Variants in GRIP1 observed in about 807,000 individuals in gnomAD.
GRIP1 encodes glutamate receptor-interacting protein 1.
In GRIP1, 45 loss-of-function variants were observed where a neutral mutation model predicts 129.9. That is an observed-to-expected ratio of 0.35 (90% CI 0.27 to 0.44). The LOEUF (loss-of-function observed/expected upper bound fraction) is 0.44, where lower values mean the gene tolerates loss of function less well. GRIP1 is among the 20% of genes least tolerant of loss of function. GRIP1 has a pLI of 1.00. For synonymous variants in GRIP1, 530 were observed against 520.8 expected, an observed-to-expected ratio of 1.02 and a Z score of -0.24; for missense variants, 1,196 against 1,396.8, an observed-to-expected ratio of 0.86 and a Z score of 2.29.
intron 9 of GRIP1, among the ~76,000 whole-genome samples, chr12:66,461,507 T>G (rs2059136129): frequency 6.6e-6 from 1 of 152,222 alleles, no homozygotes; most frequent in Non-Finnish European, 1.5e-5. Flanking sequence ...GAACGGCACC[T>G]TCCTACAGCT....
intron 2 of GRIP1, among the ~76,000 whole-genome samples, chr12:66,560,214 T>G (rs2062472092): frequency 6.6e-6 from 1 of 151,982 alleles, no homozygotes; most frequent in Admixed American, 6.6e-5. Flanking sequence ...ATTATGAAAG[T>G]ACAATAAGGA....
chr12:67,018,311 G>A (rs533316466), intron 1 of GRIP1, among the ~76,000 whole-genome samples: 7 of 152,212 alleles, frequency 4.6e-5, no homozygotes, highest in Admixed American at 1.3e-4. Context: ...ATGGAGGAGC[G>A]CCTCCAAGTG....
chr12:66,681,862 T>C (rs1365110828), upstream of GRIP1, among the ~76,000 whole-genome samples: 2 of 152,288 alleles, frequency 1.3e-5, no homozygotes, highest in Admixed American at 1.3e-4. Flanking sequence ...TCAGGGTTTC[T>C]TTAAAACATT....
At chr12:66,940,355 T>C (rs1437064907) in intron 1 of GRIP1, among the ~76,000 whole-genome samples, 2 of 152,152 alleles carry the variant, frequency 1.3e-5, no homozygotes, top group Non-Finnish European at 2.9e-5. Flanking sequence ...TTCTGGCATA[T>C]AGTAGGTGCG....
Position 66,739,013 on chromosome 12 carries a change from T to G in GRIP1, c.-420+65040A>C, listed in dbSNP as rs148830505. ...TGACTTGGAGAGCCTTATATATTTGTTCATAGATTAACATGATTAATAAGT... is the reference window on the plus strand; with the variant it reads ...TGACTTGGAGAGCCTTATATATTTGGTCATAGATTAACATGATTAATAAGT... On this transcript the variant is annotated intron_variant, in intron 1 of 4. Transcript: ENST00000538373. Among the ~76,000 whole-genome samples, 572 of 152,280 alleles carry G rather than the reference T, an allele frequency of 3.8e-3. 1 individual carries two copies. The highest frequency in any genetic ancestry group is 0.013 in the African/African-American group (550 of 41,550).
intron 16 of GRIP1, 57 bp from the exon 17 acceptor site, chr12:66,394,409 G>A (rs2056712128): frequency 2.9e-6 from 4 of 1,366,868 alleles, no homozygotes; most frequent in Non-Finnish European, 4.2e-6. Context: ...AAAAGAGTAA[G>A]ATGCATAGAT....
At chr12:66,449,221 C>A (rs1275723650) in intron 11 of GRIP1, among the ~76,000 whole-genome samples, 2 of 152,230 alleles carry the variant, frequency 1.3e-5, no homozygotes, top group African/African-American at 4.8e-5. Flanking sequence ...CCAGCTCTTT[C>A]AATCTCTGAA....
chr12:66,950,509 T>C (rs1291424493), intron 1 of GRIP1, among the ~76,000 whole-genome samples: 1 of 151,648 alleles, frequency 6.6e-6, no homozygotes, highest in Non-Finnish European at 1.5e-5. Context: ...TTTTCTAAAA[T>C]AAATTTTTCA....
intron 1 of GRIP1, among the ~76,000 whole-genome samples, chr12:66,935,351 G>A (rs900422183): frequency 5.3e-5 from 8 of 152,022 alleles, no homozygotes; most frequent in Admixed American, 1.3e-4. Flanking sequence ...CAGACCACAC[G>A]TAGGTTCCAC....
At chr12:66,604,921 A>C (rs17779523) in intron 1 of GRIP1, among the ~76,000 whole-genome samples, 51,065 of 151,802 alleles carry the variant, frequency 0.34, 8,875 homozygotes, top group Non-Finnish European at 0.37. Flanking sequence ...TCCTGGAGGG[A>C]TAAGAACCAG....
intron 1 of GRIP1, among the ~76,000 whole-genome samples, chr12:66,702,423 A>G (rs1324843123): frequency 6.6e-6 from 1 of 152,140 alleles, no homozygotes; most frequent in Non-Finnish European, 1.5e-5. Context: ...GTCAGTTTAA[A>G]TACCTAGAGT....
chr12:66,880,545 A>G (rs1487473233), intron 1 of GRIP1, among the ~76,000 whole-genome samples: 3 of 152,156 alleles, frequency 2.0e-5, no homozygotes, highest in Admixed American at 6.6e-5. Flanking sequence ...GGATGAAGAC[A>G]GAGTGATGGA....
At chr12:66,949,981 T>G (rs2041731369) in intron 1 of GRIP1, among the ~76,000 whole-genome samples, 1 of 151,560 alleles carries the variant, frequency 6.6e-6, no homozygotes, top group African/African-American at 2.4e-5. Flanking sequence ...TTTCACTGTG[T>G]TAGCCAAGAT....
intron 5 of GRIP1, among the ~76,000 whole-genome samples, chr12:66,521,753 C>G (rs1162648753): frequency 1.3e-5 from 2 of 152,286 alleles, no homozygotes; most frequent in Non-Finnish European, 2.9e-5. Context: ...CTTTCCTAGT[C>G]AAAGAAAGGG....
intron 1 of GRIP1, among the ~76,000 whole-genome samples, chr12:66,977,977 T>C (rs1471888818): frequency 1.3e-5 from 2 of 151,732 alleles, no homozygotes; most frequent in Non-Finnish European, 2.9e-5. Flanking sequence ...CATAACTGGC[T>C]AAGTTTTTTT....
intron 1 of GRIP1, among the ~76,000 whole-genome samples, chr12:66,986,328 G>T (rs969824341): frequency 1.3e-5 from 2 of 151,966 alleles, no homozygotes; most frequent in Admixed American, 6.6e-5. Flanking sequence ...CCATTACTGG[G>T]TATATACCTA....
At chr12:67,012,453 G>A (rs1174775596) in intron 1 of GRIP1, among the ~76,000 whole-genome samples, 2 of 152,146 alleles carry the variant, frequency 1.3e-5, no homozygotes, top group East Asian at 1.9e-4. Context: ...TTAGGAGGTT[G>A]AGCCAGAACA....
At chr12:66,866,016 C>T (rs1476894012) in intron 1 of GRIP1, among the ~76,000 whole-genome samples, 1 of 152,098 alleles carries the variant, frequency 6.6e-6, no homozygotes, top group African/African-American at 2.4e-5. Context: ...ATAACCAAAG[C>T]CTTACTTTTC....
intron 7 of GRIP1, among the ~76,000 whole-genome samples, chr12:66,515,117 A>C (rs1191893981): frequency 6.6e-6 from 1 of 152,146 alleles, no homozygotes; most frequent in Non-Finnish European, 1.5e-5. Context: ...TTTTTATTTT[A>C]ATCAATGATA....
Sources: gnomAD v4.1 joint callset for allele counts (sites outside exome capture counted in the v4.1 genomes callset) on GRCh38, gnomAD v4.1.1 for gene constraint, MANE v1.5 for transcripts, NCBI Gene and HGNC (gene_info 2026-07-23, HGNC 2026-07-21) for gene names.